The following FAT3 variants were observed in gnomAD, a reference collection of about 807,000 sequenced individuals.
The protein encoded by FAT3 is protocadherin Fat 3.
In FAT3, 95 loss-of-function variants were observed where a neutral mutation model predicts 310.2. The observed-to-expected ratio is 0.31, with a 90% CI of 0.26 to 0.36. The LOEUF is 0.36. Ranked by LOEUF, FAT3 falls within the 10% of genes least tolerant of loss-of-function variation. The pLI, the probability that FAT3 is intolerant of heterozygous loss-of-function variation, is 1.00. For missense variants in FAT3, 5,408 were observed against 5,715.6 expected (o/e 0.95, Z 1.74); for synonymous variants, 2,314 against 2,192.9 (o/e 1.06, Z -1.54).
At chr11:92,747,350 T>A (rs1455110569) in intron 4 of FAT3, among the ~76,000 whole-genome samples, 1 of 152,210 alleles carries the variant, frequency 6.6e-6, no homozygotes, top group Non-Finnish European at 1.5e-5. Flanking sequence ...GTTGGCCCCT[T>A]TTAGCCATGG....
intron 3 of FAT3, among the ~76,000 whole-genome samples, chr11:92,532,997 C>T (rs1954131641): frequency 6.6e-6 from 1 of 152,072 alleles, no homozygotes. Flanking sequence ...CAGGGAACTG[C>T]AGATGCATAG....
intron 3 of FAT3, among the ~76,000 whole-genome samples, chr11:92,528,463 T>G (rs686125): frequency 0.38 from 57,331 of 152,110 alleles, 11,698 homozygotes; most frequent in Middle Eastern, 0.54. Context: ...CTCGGCTCAC[T>G]GCAAGCTCCG....
intron 3 of FAT3, among the ~76,000 whole-genome samples, chr11:92,558,521 G>T (rs2135461151): frequency 6.6e-6 from 1 of 152,022 alleles, no homozygotes; most frequent in South Asian, 2.1e-4. Flanking sequence ...TTTATCTCTG[G>T]CACTGAGCAA....
At chr11:92,668,602 C>T (rs959136914) in intron 3 of FAT3, among the ~76,000 whole-genome samples, 1 of 152,166 alleles carries the variant, frequency 6.6e-6, no homozygotes, top group Non-Finnish European at 1.5e-5. Context: ...ATTTAACTTT[C>T]CTGAACCTCA....
intron 1 of FAT3, among the ~76,000 whole-genome samples, chr11:92,263,410 C>A (rs1017040002): frequency 6.6e-6 from 1 of 151,892 alleles, no homozygotes; most frequent in African/African-American, 2.4e-5. Flanking sequence ...AAATTGATTT[C>A]TTGAAAAAGA....
chr11:92,242,897 G>A (rs1347509669), intron 1 of FAT3, among the ~76,000 whole-genome samples: 1 of 151,824 alleles, frequency 6.6e-6, no homozygotes, highest in East Asian at 1.9e-4. Context: ...TTTATCCAAG[G>A]AACAATTAGA....
At chr11:92,333,961 TAGTG>T (rs1276045213) in intron 1 of FAT3, among the ~76,000 whole-genome samples, 1 of 152,176 alleles carries the variant, frequency 6.6e-6, no homozygotes, top group Non-Finnish European at 1.5e-5. Flanking sequence ...AGATTACAGT[TAGTG>T]AGAAAATTGA....
intron 4 of FAT3, among the ~76,000 whole-genome samples, chr11:92,745,903 G>A (rs1457780053): frequency 1.3e-5 from 2 of 152,228 alleles, no homozygotes; most frequent in Non-Finnish European, 2.9e-5. Flanking sequence ...GTGCCCTGCA[G>A]AAGACAGATC....
Position 92,844,592 on chromosome 11 carries a change from A to G in FAT3, c.11225A>G (p.Asn3742Ser), listed in dbSNP as rs1016908882. ...CGCATCTCAGCCATCTTGGAGAAGA[A>G]CTGCTCAGGGCTGGACTGTCAGGAA... is the stretch of plus-strand genomic sequence containing the variant. ...IMRISAILEKNCSGLDCQEQH... is the reference protein window; with the variant it reads ...IMRISAILEKSCSGLDCQEQH... Residue 3742 changes from asparagine (N) to serine (S), a missense_variant, in exon 19 of 28, where the codon AAC becomes AGC. Physicochemically the swap from Asn to Ser is conservative, Grantham distance 46. Transcript: ENST00000525166. The G allele has an allele frequency of 1.9e-6, 3 of 1,613,816 alleles. No homozygotes were observed. Among genetic ancestry groups the G allele is most frequent in the Non-Finnish European group, 2.5e-6 (3 of 1,179,884 alleles).
chr11:92,866,892 A>G lies in FAT3; in HGVS notation c.11810A>G (p.Tyr3937Cys), dbSNP rs1949261147. 4 of 1,614,034 alleles carry G rather than the reference A, an allele frequency of 2.5e-6. No homozygotes were observed. Among genetic ancestry groups the G allele is most frequent in the Non-Finnish European group, 2.5e-6 (3 of 1,179,892 alleles). The change falls in exon 22 of 28, where the codon TAC (tyrosine) becomes TGC (cysteine). Residue 3937 changes from tyrosine (Y) to cysteine (C), a missense_variant. Physicochemically the swap from Tyr to Cys is radical, Grantham distance 194. Transcript: ENST00000525166. ...ACGAGCCTGTCCCTGGATGACAGCT[A>G]CGTGGAGCGGCGCCGGGCGCCCCTC... Reference protein sequence around the residue: ...NFTSLSLDDSYVERRRAPLYF... With the variant: ...NFTSLSLDDSCVERRRAPLYF...
chr11:92,552,012 A>G (rs1299022804), intron 3 of FAT3, among the ~76,000 whole-genome samples: 1 of 152,242 alleles, frequency 6.6e-6, no homozygotes, highest in Admixed American at 6.5e-5. Flanking sequence ...ATATATAACC[A>G]CAGACATCTA....
At chr11:92,504,682 T>A (rs557980880) in intron 2 of FAT3, among the ~76,000 whole-genome samples, 1 of 152,140 alleles carries the variant, frequency 6.6e-6, no homozygotes, top group Non-Finnish European at 1.5e-5. Flanking sequence ...AAGATTTACC[T>A]GTTAGCATTT....
rs188647498 is a variant in FAT3 at position 92,233,976 on chromosome 11, A to C, written c.-18+8802A>C. On this transcript the variant is annotated intron_variant, in intron 1 of 27. Transcript: ENST00000525166. ...ATATTTTACCTCATATCCAAAGAGA[A>C]AGAGGGAGATGCAGGTATTTTGAGA... Among the ~76,000 whole-genome samples the C allele has an allele frequency of 2.1e-3, 314 of 152,318 alleles. 1 individual carries two copies. The highest frequency in any genetic ancestry group is 7.4e-3 in the African/African-American group (306 of 41,572).
In FAT3 at chr11:92,762,088, A is replaced by G. The variant is rs1334548366; in HGVS notation, c.3902A>G (p.Asp1301Gly). 6.2e-7 allele frequency: 1 copy of G among 1,613,990 alleles called. No individual in the cohort carries two copies. Among genetic ancestry groups the G allele is most frequent in the Non-Finnish European group, 8.5e-7 (1 of 1,179,882 alleles). ...ISYSIVDGND[D>G]GKFFIDPKTG... ...TACAGTATTGTGGATGGGAATGATG[A>G]CGGAAAGTTCTTTATTGACCCTAAA... The change falls in exon 5 of 28, where the codon GAC becomes GGC. Residue 1301 changes from aspartate to glycine, a missense_variant. Transcript: ENST00000525166.
At position 92,799,057 on chromosome 11, in the gene FAT3, T is replaced by TA. The variant is rs1307388011; in HGVS notation, c.6048dup (p.Tyr2017IlefsTer9). ...GTTGGAAATCGCCTTAATGAGCCCT[T>TA]AAAATACAGCATCTTAAACCCAGGA... is the stretch of plus-strand genomic sequence containing the variant. On this transcript the variant is annotated frameshift_variant, in exon 10 of 28. Transcript: ENST00000525166. LOFTEE classifies it high-confidence loss of function. The TA allele has an allele frequency of 6.2e-7, 1 of 1,613,934 alleles. No homozygotes were observed. Among genetic ancestry groups the TA allele is most frequent in the Non-Finnish European group, 8.5e-7 (1 of 1,179,878 alleles).
chr11:92,230,511 C>G (rs1027812124), intron 1 of FAT3, among the ~76,000 whole-genome samples: 1 of 152,120 alleles, frequency 6.6e-6, no homozygotes, highest in Non-Finnish European at 1.5e-5. Context: ...CCAGGCTGGT[C>G]TCGAACTCCT....
At chr11:92,438,873 G>A (rs1565317452) in intron 2 of FAT3, among the ~76,000 whole-genome samples, 1 of 152,190 alleles carries the variant, frequency 6.6e-6, no homozygotes, top group Non-Finnish European at 1.5e-5. Flanking sequence ...TTGGGGACCT[G>A]TAGGCTTCTA....
intron 1 of FAT3, among the ~76,000 whole-genome samples, chr11:92,324,341 G>C (rs189234941): frequency 3.9e-5 from 6 of 152,236 alleles, no homozygotes; most frequent in African/African-American, 1.2e-4. Context: ...TCTAGCTTTT[G>C]ATTTAAAATG....
intron 1 of FAT3, among the ~76,000 whole-genome samples, chr11:92,280,389 T>C (rs907258572): frequency 3.3e-5 from 5 of 152,208 alleles, no homozygotes; most frequent in Admixed American, 6.5e-5. Flanking sequence ...AGGTGTACTT[T>C]GAAACTGGAA....
Sources: allele counts gnomAD v4.1 joint callset (sites outside exome capture counted in the v4.1 genomes callset), GRCh38; gene constraint gnomAD v4.1.1; transcripts MANE v1.5; gene names NCBI Gene and HGNC (gene_info 2026-07-23, HGNC 2026-07-21).